The following GPHN variants were observed in gnomAD, a reference collection of about 807,000 sequenced individuals.
The protein encoded by GPHN is gephyrin.
In GPHN, 17 loss-of-function variants were observed where a neutral mutation model predicts 95.5. The ratio of observed to expected loss-of-function variants is 0.18; its 90% confidence interval spans 0.12 to 0.27. GPHN has a LOEUF of 0.27. Among genes scored for constraint, GPHN ranks in the 10% least tolerant of loss-of-function variants. The pLI is 1.00. For synonymous variants in GPHN, 320 were observed against 322.5 expected (o/e 0.99, Z 0.08); for missense variants, 660 against 978.1 (o/e 0.67, Z 4.34).
the GPHN span, among the ~76,000 whole-genome samples, chr14:67,534,726 C>G: frequency 6.6e-6 from 1 of 152,030 alleles, no homozygotes; most frequent in Non-Finnish European, 1.5e-5. Context: ...AATGTGGAGC[C>G]TCTTCTGCCC....
At chr14:67,276,511 C>A in the GPHN span, among the ~76,000 whole-genome samples, 1 of 152,060 alleles carries the variant, frequency 6.6e-6, no homozygotes, top group Non-Finnish European at 1.5e-5. Context: ...TTGTGACATT[C>A]CAAGTTGAGT....
intron 4 of GPHN, among the ~76,000 whole-genome samples, chr14:66,876,171 G>C (rs1224050152): frequency 1.3e-5 from 2 of 152,050 alleles, no homozygotes; most frequent in African/African-American, 4.8e-5. Context: ...ACAAAATTAA[G>C]GCAGAAATAA....
intron 11 of GPHN, among the ~76,000 whole-genome samples, chr14:67,079,291 A>G (rs2076604826): frequency 6.6e-6 from 1 of 152,082 alleles, no homozygotes; most frequent in Admixed American, 6.6e-5. Flanking sequence ...GATATAATTC[A>G]TATGCTATAC....
At chr14:67,106,013 T>G (rs2078019573) in intron 13 of GPHN, among the ~76,000 whole-genome samples, 1 of 152,142 alleles carries the variant, frequency 6.6e-6, no homozygotes, top group Non-Finnish European at 1.5e-5. Flanking sequence ...TTGTGTGTGT[T>G]TTTATGATAG....
the GPHN span, chr14:67,727,264 C>A: frequency 8.4e-7 from 1 of 1,184,370 alleles, no homozygotes; most frequent in Non-Finnish European, 1.2e-6. Flanking sequence ...CTTGGGAAGT[C>A]AGGCTGTCAA....
chr14:67,608,012 G>C, the GPHN span, among the ~76,000 whole-genome samples: 43 of 152,218 alleles, frequency 2.8e-4, no homozygotes, highest in African/African-American at 9.9e-4. Context: ...TGAGACAGGA[G>C]GATTCCTTGA....
chr14:67,477,230 C>T, the GPHN span, among the ~76,000 whole-genome samples: 1 of 152,178 alleles, frequency 6.6e-6, no homozygotes, highest in African/African-American at 2.4e-5. Context: ...GCATCCTTGG[C>T]CTGCCATTCA....
chr14:67,136,004 T>G (rs1437071762), intron 17 of GPHN, among the ~76,000 whole-genome samples: 1 of 152,232 alleles, frequency 6.6e-6, no homozygotes, highest in Non-Finnish European at 1.5e-5. Flanking sequence ...GAAAATCACA[T>G]ATTTTGTTCC....
chr14:67,731,037 A>G, the GPHN span, among the ~76,000 whole-genome samples: 114 of 152,226 alleles, frequency 7.5e-4, no homozygotes, highest in African/African-American at 2.6e-3. Context: ...TGATTTTGCT[A>G]TTTGTGGGTT....
chr14:66,534,789 T>C (rs959868319), intron 1 of GPHN, among the ~76,000 whole-genome samples: 3 of 152,148 alleles, frequency 2.0e-5, no homozygotes, highest in Non-Finnish European at 4.4e-5. Flanking sequence ...CAAATAATGA[T>C]GGTGATCACC....
chr14:66,635,593 A>G (rs1465888150), intron 1 of GPHN, among the ~76,000 whole-genome samples: 2 of 152,180 alleles, frequency 1.3e-5, no homozygotes, highest in East Asian at 1.9e-4. Context: ...CTGTCTCTCT[A>G]GACAGAAGAC....
the GPHN span, among the ~76,000 whole-genome samples, chr14:67,269,538 A>C: frequency 1.3e-5 from 2 of 152,184 alleles, no homozygotes; most frequent in Non-Finnish European, 2.9e-5. Context: ...TCCATTAGAT[A>C]CAGGGGTCAT....
chr14:67,705,611 G>A, the GPHN span, among the ~76,000 whole-genome samples: 4 of 152,120 alleles, frequency 2.6e-5, no homozygotes, highest in Non-Finnish European at 5.9e-5. Context: ...TTAGAATAAA[G>A]CCATTAGTTT....
At chr14:67,302,468 G>T in the GPHN span, 1 of 1,599,550 alleles carries the variant, frequency 6.3e-7, no homozygotes, top group South Asian at 1.1e-5. Context: ...GTAAAAGGGG[G>T]TGCTGCAGAG....
At chr14:67,615,450 A>C in the GPHN span, 3 of 278,450 alleles carry the variant, frequency 1.1e-5, no homozygotes, top group Non-Finnish European at 2.2e-5. Flanking sequence ...GGCCCTAGGC[A>C]ACTCTGTGCC....
At chr14:67,217,921 G>C in the GPHN span, among the ~76,000 whole-genome samples, 2 of 152,162 alleles carry the variant, frequency 1.3e-5, no homozygotes, top group Admixed American at 6.5e-5. Context: ...CAATTTTATG[G>C]AGTAGTGTCA....
At chr14:67,612,354 T>C in the GPHN span, among the ~76,000 whole-genome samples, 3 of 152,328 alleles carry the variant, frequency 2.0e-5, no homozygotes, top group Non-Finnish European at 4.4e-5. Flanking sequence ...ATCATAAACA[T>C]GCATCTTCAT....
At chr14:66,901,456 G>T (rs557985988) in intron 5 of GPHN, among the ~76,000 whole-genome samples, 121 of 152,068 alleles carry the variant, frequency 8.0e-4, no homozygotes, top group Admixed American at 1.6e-3. Context: ...TCTTTGCCTG[G>T]AAAGATGTCC....
chr14:67,640,861 G>A, the GPHN span, among the ~76,000 whole-genome samples: 3 of 152,202 alleles, frequency 2.0e-5, no homozygotes, highest in Non-Finnish European at 4.4e-5. Flanking sequence ...GAGACAAACT[G>A]CATAGTAAAG....
Sources: allele counts gnomAD v4.1 joint callset (sites outside exome capture counted in the v4.1 genomes callset), GRCh38; gene constraint gnomAD v4.1.1; transcripts MANE v1.5; gene names NCBI Gene and HGNC (gene_info 2026-07-23, HGNC 2026-07-21).